URI1: variants seen among roughly 807,000 people sequenced by gnomAD.
URI1 encodes URI1 prefoldin like chaperone.
Under a neutral mutation model 60.2 loss-of-function variants are expected in URI1, and 39 were observed. That is an observed-to-expected ratio of 0.65 (90% CI 0.50 to 0.85). URI1 has a LOEUF of 0.85. Among genes scored for constraint, URI1 ranks in the 40% least tolerant of loss-of-function variants. The pLI is 0.00. For synonymous variants in URI1, 251 were observed against 236.8 expected (o/e 1.06, Z -0.55); for missense variants, 691 against 665.9 (o/e 1.04, Z -0.42).
chr19:29,999,364 G>A (rs1192895036), intron 4 of URI1, among the ~76,000 whole-genome samples: 1 of 152,048 alleles, frequency 6.6e-6, no homozygotes, highest in Non-Finnish European at 1.5e-5. Flanking sequence ...TAGTGGTGAG[G>A]AATGCCCTCA....
chr19:30,009,845 G>A (rs1199349080), intron 8 of URI1, among the ~76,000 whole-genome samples: 4 of 152,138 alleles, frequency 2.6e-5, no homozygotes, highest in Non-Finnish European at 5.9e-5. Flanking sequence ...AACATCTGTG[G>A]ATAATCATGA....
chr19:29,970,977 A>C, intron 1 of URI1: 2 of 539,410 alleles, frequency 3.7e-6, no homozygotes, highest in Non-Finnish European at 6.6e-6. Context: ...GAAAGCTGTA[A>C]TTTGTTCTGC....
At chr19:29,982,839 A>T (rs1599699702) in intron 2 of URI1, among the ~76,000 whole-genome samples, 1 of 152,232 alleles carries the variant, frequency 6.6e-6, no homozygotes, top group East Asian at 1.9e-4. Context: ...TGGAACCAAA[A>T]TAGTAGTTGC....
At chr19:29,992,015 A>G (rs1251093982) in intron 4 of URI1, among the ~76,000 whole-genome samples, 1 of 152,020 alleles carries the variant, frequency 6.6e-6, no homozygotes, top group Non-Finnish European at 1.5e-5. Context: ...TGCATGGCGT[A>G]TATTTTTCCA....
intron 4 of URI1, among the ~76,000 whole-genome samples, chr19:29,991,081 C>T (rs565497096): frequency 1.3e-5 from 2 of 152,244 alleles, no homozygotes; most frequent in Non-Finnish European, 2.9e-5. Context: ...ATTGTTTTGG[C>T]TGTTCTACCT....
intron 1 of URI1, among the ~76,000 whole-genome samples, chr19:29,945,184 A>C (rs2055087637): frequency 6.6e-6 from 1 of 152,204 alleles, no homozygotes. Context: ...GTACCTACCT[A>C]GTTGGCTGTA....
chr19:29,971,064 CAAAT>C (rs2055453442), intron 1 of URI1, 125 bp from the exon 2 acceptor site: 1 of 863,966 alleles, frequency 1.2e-6, no homozygotes, highest in Non-Finnish European at 1.9e-6. Context: ...GTGCATTTGA[CAAAT>C]AAAAATGTAT....
At chr19:29,927,263 T>C (rs1369368176) in intron 1 of URI1, among the ~76,000 whole-genome samples, 1 of 10,164 alleles carries the variant, frequency 9.8e-5, no homozygotes, top group African/African-American at 1.8e-4. Context: ...TCATCCCTCT[T>C]TTTTTTTTTT....
chr19:30,005,878 A>G (rs1335024703), intron 6 of URI1, among the ~76,000 whole-genome samples, 170 bp downstream of exon 6: 3 of 152,086 alleles, frequency 2.0e-5, no homozygotes, highest in African/African-American at 7.2e-5. Flanking sequence ...TAATGGATAA[A>G]TAACTTTTGG....
chr19:29,981,247 C>CA (rs2055593893), intron 2 of URI1, among the ~76,000 whole-genome samples: 1 of 152,148 alleles, frequency 6.6e-6, no homozygotes, highest in East Asian at 1.9e-4. Context: ...ACCTATCTGT[C>CA]TGTACCCTAA....
intron 1 of URI1, 142 bp downstream of exon 1, chr19:29,942,806 GTTGTC>G: frequency 9.1e-7 from 1 of 1,093,120 alleles, no homozygotes; most frequent in Non-Finnish European, 1.2e-6. Context: ...ACGTGCTTCT[GTTGTC>G]TTTGTCTGCA....
upstream of URI1, among the ~76,000 whole-genome samples, chr19:29,940,986 A>C (rs1366401369): frequency 2.0e-5 from 3 of 152,180 alleles, no homozygotes; most frequent in East Asian, 5.8e-4. Flanking sequence ...TGATGGTTGG[A>C]TATGCAGTGA....
intron 1 of URI1, among the ~76,000 whole-genome samples, chr19:29,936,149 G>C (rs1463911743): frequency 6.6e-6 from 1 of 151,916 alleles, no homozygotes; most frequent in East Asian, 1.9e-4. Flanking sequence ...TTGTGCCCAG[G>C]CTGGAGTGCA....
chr19:30,009,088 C>T lies in URI1; in HGVS notation c.770C>T (p.Ala257Val), dbSNP rs138648155. ...EKEDRNTNVN[A>V]MHQVTDSHTP... ...GAAGATCGTAACACAAATGTGAATGCGATGCATCAAGTAACAGACTCTCAT... is the reference window on the plus strand; with the variant it reads ...GAAGATCGTAACACAAATGTGAATGTGATGCATCAAGTAACAGACTCTCAT... Residue 257 changes from alanine to valine, a missense_variant, in exon 8 of 11, where the codon GCG becomes GTG. By Grantham distance (64) the Ala-to-Val change is moderately conservative. Transcript: ENST00000392271. 9 of 1,613,658 alleles carry T rather than the reference C, an allele frequency of 5.6e-6. No homozygotes were observed. The highest frequency in any genetic ancestry group is 2.2e-5 in the East Asian group (1 of 44,874).
rs2056073086 is a variant in URI1 at position 30,015,327 on chromosome 19, G to A, written c.*258G>A. On this transcript the variant is annotated 3_prime_UTR_variant, in exon 11 of 11. Transcript: ENST00000392271. ...AGTTTGCCTTTATGATGCAGTGGCA[G>A]CATTTTGAATTACTTTTCAAAGAAT... 1.4e-6 allele frequency: 2 copies of A among 1,413,658 alleles called. No individual in the cohort carries two copies. The highest frequency in any genetic ancestry group is 1.7e-5 in the South Asian group (1 of 59,816). 87.6% of individuals were successfully genotyped at this position (1,413,658 alleles called of 1,614,324 possible).
At chr19:30,014,005 T>A (rs2056055299) in intron 10 of URI1, among the ~76,000 whole-genome samples, 1 of 151,754 alleles carries the variant, frequency 6.6e-6, no homozygotes, top group African/African-American at 2.4e-5. Context: ...GAACAAAATG[T>A]ACATTAAAGT....
At chr19:29,925,116 G>C (rs148214316) in intron 1 of URI1, among the ~76,000 whole-genome samples, 1 of 152,212 alleles carries the variant, frequency 6.6e-6, no homozygotes, top group East Asian at 1.9e-4. Context: ...GATTACAGGC[G>C]TGAGCCACCA....
intron 1 of URI1, among the ~76,000 whole-genome samples, chr19:29,964,376 A>C (rs1429143025): frequency 6.6e-6 from 1 of 151,610 alleles, no homozygotes; most frequent in Non-Finnish European, 1.5e-5. Context: ...GAATTTACAT[A>C]GCTACTTGCA....
chr19:29,945,366 T>C (rs2055090267), intron 1 of URI1, among the ~76,000 whole-genome samples: 1 of 152,212 alleles, frequency 6.6e-6, no homozygotes, highest in African/African-American at 2.4e-5. Flanking sequence ...ATAACAAGTT[T>C]TACGCTCTCT....
Sources: gnomAD v4.1 joint callset for allele counts (sites outside exome capture counted in the v4.1 genomes callset) on GRCh38, gnomAD v4.1.1 for gene constraint, MANE v1.5 for transcripts, NCBI Gene and HGNC (gene_info 2026-07-23, HGNC 2026-07-21) for gene names.